The following LGSN variants were observed in gnomAD, a reference collection of about 807,000 sequenced individuals.
LGSN encodes lengsin, lens protein with glutamine synthetase domain, also known as lengsin.
LGSN carries 21 observed loss-of-function variants against 19.5 expected under a neutral mutation model. The observed-to-expected ratio is 1.07, with a 90% confidence interval of 0.76 to 1.55. The LOEUF is 1.55. Ranked by LOEUF, LGSN falls within the 40% of genes most tolerant of loss-of-function variation. The pLI, the probability that LGSN is intolerant of heterozygous loss-of-function variation, is 0.00. For synonymous variants in LGSN, 257 were observed against 215.6 expected (o/e 1.19, Z -1.68); for missense variants, 673 against 608.5 (o/e 1.11, Z -1.12).
At chr6:63,326,904 G>C in the LGSN span, among the ~76,000 whole-genome samples, 1 of 152,224 alleles carries the variant, frequency 6.6e-6, no homozygotes, top group Non-Finnish European at 1.5e-5. Flanking sequence ...GGCTCCCATA[G>C]TGCAGCGGTG....
the LGSN span, among the ~76,000 whole-genome samples, chr6:63,367,340 A>G: frequency 1.3e-5 from 2 of 152,244 alleles, no homozygotes; most frequent in Non-Finnish European, 2.9e-5. Flanking sequence ...ACATGAAAAA[A>G]TGCTCATCAT....
At position 63,280,847 on chromosome 6, in the gene LGSN, T is replaced by C. The variant is rs1290417656; in HGVS notation, c.704A>G (p.His235Arg). Residue 235 changes from histidine to arginine, a missense_variant, in exon 4 of 4, where the codon CAT (histidine) becomes CGT (arginine). His to Arg is a conservative substitution (Grantham distance 29). Coordinates refer to ENST00000370657, the MANE Select transcript of LGSN (RefSeq NM_016571.3). ...AAGTTCCTGCATGAAGGGCTGATCA[T>C]GGTTATTTAAAAATGTTAAAGCAGG... ...SFPALTFLNN[H>R]DQPFMQELVD... 3.1e-6 allele frequency: 5 copies of C among 1,614,032 alleles called. No homozygotes were observed. Among genetic ancestry groups the C allele is most frequent in the East Asian group, 2.2e-5 (1 of 44,882 alleles).
At chr6:63,456,394 C>CATACT in the LGSN span, among the ~76,000 whole-genome samples, 1 of 62,150 alleles carries the variant, frequency 1.6e-5, no homozygotes, top group Non-Finnish European at 3.0e-5. Context: ...TATATATATA[C>CATACT]TTTTTTTTTT....
At chr6:63,336,561 G>GTA in the LGSN span, among the ~76,000 whole-genome samples, 10,334 of 127,406 alleles carry the variant, frequency 0.081, 535 homozygotes, top group Non-Finnish European at 0.11. Flanking sequence ...GTGTGTGTGT[G>GTA]TATATATATA....
chr6:63,502,769 C>G, the LGSN span, among the ~76,000 whole-genome samples: 1 of 152,224 alleles, frequency 6.6e-6, no homozygotes, highest in Admixed American at 6.5e-5. Context: ...ATTCTCACTT[C>G]TGGGAGGATT....
the LGSN span, among the ~76,000 whole-genome samples, chr6:63,379,416 C>A: frequency 3.3e-5 from 5 of 152,172 alleles, no homozygotes; most frequent in Admixed American, 1.3e-4. Flanking sequence ...AAAGAAGGGC[C>A]TCAGCGTAGC....
the LGSN span, among the ~76,000 whole-genome samples, chr6:63,422,395 TA>T: frequency 6.6e-6 from 1 of 152,128 alleles, no homozygotes; most frequent in Non-Finnish European, 1.5e-5. Context: ...GTAAGAGATG[TA>T]ACAAAATATA....
chr6:63,344,159 A>C, the LGSN span, among the ~76,000 whole-genome samples: 58 of 152,322 alleles, frequency 3.8e-4, no homozygotes, highest in African/African-American at 1.4e-3. Context: ...TTATAGAACT[A>C]TGAGATAATA....
At chr6:63,524,431 C>G in the LGSN span, among the ~76,000 whole-genome samples, 1 of 152,078 alleles carries the variant, frequency 6.6e-6, no homozygotes, top group African/African-American at 2.4e-5. Context: ...TCTAAGAGGA[C>G]ATCAATTTGG....
the LGSN span, among the ~76,000 whole-genome samples, chr6:63,367,480 T>C: frequency 6.6e-6 from 1 of 152,036 alleles, no homozygotes; most frequent in African/African-American, 2.4e-5. Flanking sequence ...GGAAAGCTTT[T>C]ACACTGTTGG....
At chr6:63,519,154 A>G in the LGSN span, among the ~76,000 whole-genome samples, 2 of 152,168 alleles carry the variant, frequency 1.3e-5, no homozygotes, top group Non-Finnish European at 1.5e-5. Flanking sequence ...CTAAAATACA[A>G]AAATTAGCTG....
chr6:63,310,995 C>T (rs969113137), intron 1 of LGSN, among the ~76,000 whole-genome samples: 2 of 152,102 alleles, frequency 1.3e-5, no homozygotes, highest in Admixed American at 1.3e-4. Context: ...AGTCAACAAG[C>T]AAAATGCCTT....
the LGSN span, among the ~76,000 whole-genome samples, chr6:63,545,869 A>T: frequency 6.6e-6 from 1 of 152,198 alleles, no homozygotes. Context: ...AGAAAGAAAA[A>T]AAAGAAAAGA....
chr6:63,307,531 G>A (rs1442778687), intron 1 of LGSN, among the ~76,000 whole-genome samples: 1 of 152,254 alleles, frequency 6.6e-6, no homozygotes, highest in Non-Finnish European at 1.5e-5. Context: ...ACTAGGACAG[G>A]TAGAAAAGTT....
the LGSN span, among the ~76,000 whole-genome samples, chr6:63,363,858 G>C: frequency 2.0e-5 from 3 of 152,000 alleles, no homozygotes; most frequent in Admixed American, 2.0e-4. Context: ...ATGCCACAAA[G>C]ATACTCCTCC....
the LGSN span, among the ~76,000 whole-genome samples, chr6:63,363,630 C>G: frequency 1.5e-4 from 23 of 151,888 alleles, no homozygotes; most frequent in African/African-American, 5.6e-4. Flanking sequence ...TGAAATGAAG[C>G]AAGAAGAGAA....
Position 63,308,789 on chromosome 6 carries a change from C to A in LGSN, c.30+11125G>T, listed in dbSNP as rs192751803. On this transcript the variant is annotated intron_variant, in intron 1 of 3. Transcript: ENST00000370657. ...TGTTAGAAATAGTGGAAAAAGGGATCGATAATTATCAAACTTAAAAGAATA... is the reference window on the plus strand; with the variant it reads ...TGTTAGAAATAGTGGAAAAAGGGATAGATAATTATCAAACTTAAAAGAATA... Among the ~76,000 whole-genome samples, 3 of 151,884 alleles carry A rather than the reference C, an allele frequency of 2.0e-5. No homozygotes were observed. In the East Asian group the frequency reaches 5.8e-4, roughly 29 times the overall value.
chr6:63,513,676 C>A, the LGSN span, among the ~76,000 whole-genome samples: 1 of 151,890 alleles, frequency 6.6e-6, no homozygotes, highest in Non-Finnish European at 1.5e-5. Context: ...TTTGAGAGGC[C>A]AAGGCAGGTG....
chr6:63,364,229 G>A, the LGSN span, among the ~76,000 whole-genome samples: 1 of 151,764 alleles, frequency 6.6e-6, no homozygotes, highest in South Asian at 2.1e-4. Flanking sequence ...AAGGGATGGA[G>A]GAAGATCTAC....
Sources: allele counts gnomAD v4.1 joint callset (sites outside exome capture counted in the v4.1 genomes callset), GRCh38; gene constraint gnomAD v4.1.1; transcripts MANE v1.5; gene names NCBI Gene and HGNC (gene_info 2026-07-23, HGNC 2026-07-21).